Variants in CRB1 observed in about 807,000 individuals in gnomAD.
CRB1 encodes the protein crumbs cell polarity complex component 1.
In CRB1, 83 loss-of-function variants were observed where a neutral mutation model predicts 120.0. That is an observed-to-expected ratio of 0.69 (90% CI 0.58 to 0.83). The LOEUF (loss-of-function observed/expected upper bound fraction) is 0.83, where lower values mean the gene tolerates loss of function less well. CRB1 is among the 40% of genes least tolerant of loss of function. The pLI is 0.00. For missense variants in CRB1, 1,699 were observed against 1,687.6 expected (o/e 1.01, Z -0.12); for synonymous variants, 625 against 612.5 (o/e 1.02, Z -0.30).
chr1:197,236,593 C>T, the CRB1 span, among the ~76,000 whole-genome samples: 2 of 152,236 alleles, frequency 1.3e-5, no homozygotes, highest in Non-Finnish European at 2.9e-5. Context: ...CTTGACATTT[C>T]CCTAATCTTA....
intron 5 of CRB1, among the ~76,000 whole-genome samples, chr1:197,382,698 T>C (rs1321973197): frequency 1.3e-5 from 2 of 152,150 alleles, no homozygotes; most frequent in Non-Finnish European, 2.9e-5. Context: ...CACATATAGG[T>C]ATCCAGATGT....
chr1:197,465,408 G>A (rs142833275), intron 11 of CRB1, among the ~76,000 whole-genome samples: 92 of 151,754 alleles, frequency 6.1e-4, no homozygotes, highest in Non-Finnish European at 1.1e-3. Context: ...TTTTAATCCT[G>A]CTAACTTTAA....
chr1:197,344,558 CT>C, intron 3 of CRB1, 82 bp downstream of exon 3: 1 of 1,351,734 alleles, frequency 7.4e-7, no homozygotes, highest in Non-Finnish European at 1.1e-6. Context: ...ATTTAGAGCT[CT>C]CACGTTCTCG....
chr1:197,342,678 A>T (rs1170049179), intron 2 of CRB1, among the ~76,000 whole-genome samples: 1 of 152,128 alleles, frequency 6.6e-6, no homozygotes, highest in African/African-American at 2.4e-5. Context: ...GTTATTCTAA[A>T]TTCTCTTTTA....
intron 1 of CRB1, among the ~76,000 whole-genome samples, chr1:197,311,342 C>T (rs928985278): frequency 6.6e-5 from 10 of 152,160 alleles, no homozygotes; most frequent in African/African-American, 2.4e-4. Flanking sequence ...AAAGTCAAAC[C>T]CATGGAACAT....
intron 1 of CRB1, among the ~76,000 whole-genome samples, chr1:197,303,685 C>A (rs1353473611): frequency 6.6e-6 from 1 of 152,088 alleles, no homozygotes; most frequent in Non-Finnish European, 1.5e-5. Context: ...ACATTCAGAT[C>A]TTTTGACTCA....
At chr1:197,237,220 A>G in the CRB1 span, among the ~76,000 whole-genome samples, 1 of 152,178 alleles carries the variant, frequency 6.6e-6, no homozygotes, top group South Asian at 2.1e-4. Flanking sequence ...TCTTTATTAC[A>G]TATTACCTTT....
Position 197,394,410 on chromosome 1 carries a change from T to C in CRB1, c.1172-26590T>C, listed in dbSNP as rs141866577. Among the ~76,000 whole-genome samples, 79 of 152,208 alleles carry C rather than the reference T, an allele frequency of 5.2e-4. No individual in the cohort carries two copies. The East Asian group carries it at 0.015, about 29-fold the overall frequency. Reference sequence around the variant, plus strand: ...GTCAACTGTAGGCTATTAGTAGTTATGTTTTGGGATAGTTGCAAGTTATAT... The same window carrying C: ...GTCAACTGTAGGCTATTAGTAGTTACGTTTTGGGATAGTTGCAAGTTATAT... On this transcript the variant is annotated intron_variant, in intron 5 of 11. Transcript: ENST00000367400.
intron 11 of CRB1, among the ~76,000 whole-genome samples, chr1:197,469,597 C>G (rs1390720548): frequency 1.3e-5 from 2 of 151,930 alleles, no homozygotes; most frequent in African/African-American, 4.8e-5. Context: ...TAGTTAGCAA[C>G]CACTGTTTTC....
chr1:197,354,300 G>C (rs1016973329), intron 4 of CRB1, among the ~76,000 whole-genome samples: 1 of 152,128 alleles, frequency 6.6e-6, no homozygotes, highest in Admixed American at 6.5e-5. Context: ...TAAACTGTAG[G>C]GTTAAACTCA....
intron 1 of CRB1, among the ~76,000 whole-genome samples, chr1:197,284,702 A>G (rs1655723192): frequency 6.6e-6 from 1 of 151,944 alleles, no homozygotes; most frequent in African/African-American, 2.4e-5. Context: ...GGTATATAAA[A>G]TGCTCAGGAT....
intron 5 of CRB1, among the ~76,000 whole-genome samples, chr1:197,406,223 C>G (rs1214699223): frequency 1.3e-5 from 2 of 152,210 alleles, no homozygotes; most frequent in Admixed American, 6.5e-5. Context: ...TCATTTTGTT[C>G]TGTACTAAGA....
the CRB1 span, among the ~76,000 whole-genome samples, chr1:197,255,973 A>ATATG: frequency 8.2e-6 from 1 of 122,202 alleles, no homozygotes; most frequent in African/African-American, 3.3e-5. Flanking sequence ...TTTTATATAT[A>ATATG]TATATATATA....
rs1452562336 is a variant in CRB1, at chr1:197,375,024, G to A, written c.1171+18011G>A. On this transcript the variant is annotated intron_variant, in intron 5 of 11. Coordinates refer to ENST00000367400, the MANE Select transcript of CRB1 (RefSeq NM_201253.3). ...TCTTTCACCTACCATTTCAGTGGGA[G>A]TCCAGGGAACTCATCTTCTACATCT... 3.9e-5 allele frequency among the ~76,000 whole-genome samples: 6 copies of A among 152,194 alleles called. No individual in the cohort carries two copies. The East Asian group carries it at 1.2e-3, about 29-fold the overall frequency.
intron 8 of CRB1, among the ~76,000 whole-genome samples, chr1:197,433,985 A>G (rs969806093): frequency 2.0e-5 from 3 of 152,194 alleles, no homozygotes; most frequent in Admixed American, 6.5e-5. Context: ...AAGAGACAGA[A>G]CAAGTTGTTT....
chr1:197,416,505 G>C lies in CRB1; in HGVS notation c.1172-4495G>C, dbSNP rs186199728. ...ACGTCTTCTAGTTTGTAGTCTGAGAGTACTCTGAGAGTACATCATAGAGTA... is the reference window on the plus strand; with the variant it reads ...ACGTCTTCTAGTTTGTAGTCTGAGACTACTCTGAGAGTACATCATAGAGTA... On this transcript the variant is annotated intron_variant, in intron 5 of 11. Transcript: ENST00000367400. Among the ~76,000 whole-genome samples the C allele has an allele frequency of 3.2e-3, 489 of 152,114 alleles. 4 individuals carry two copies. The highest frequency in any genetic ancestry group is 0.011 in the African/African-American group (476 of 41,498).
At chr1:197,219,050 A>G in the CRB1 span, among the ~76,000 whole-genome samples, 2 of 152,196 alleles carry the variant, frequency 1.3e-5, no homozygotes, top group Non-Finnish European at 1.5e-5. Flanking sequence ...TGGGAGCCCA[A>G]GTGAATTGAA....
chr1:197,357,042 G>C, intron 5 of CRB1, 29 bp downstream of exon 5: 1 of 1,610,522 alleles, frequency 6.2e-7, no homozygotes, highest in Non-Finnish European at 8.5e-7. Context: ...GATATGACTT[G>C]ACTTTCTGGT....
intron 5 of CRB1, among the ~76,000 whole-genome samples, chr1:197,404,603 T>C (rs1433037000): frequency 3.9e-5 from 6 of 152,238 alleles, no homozygotes; most frequent in Non-Finnish European, 8.8e-5. Context: ...AAGTTATCTT[T>C]TCATTTTATC....
Sources: gnomAD v4.1 joint callset for allele counts (sites outside exome capture counted in the v4.1 genomes callset) on GRCh38, gnomAD v4.1.1 for gene constraint, MANE v1.5 for transcripts, NCBI Gene and HGNC (gene_info 2026-07-23, HGNC 2026-07-21) for gene names.